Variants in ADGRG2 observed in about 807,000 individuals in gnomAD.
ADGRG2 encodes the protein G protein-coupled receptor 64.
ADGRG2 carries 26 observed loss-of-function variants against 74.1 expected under a neutral mutation model. The ratio of observed to expected loss-of-function variants is 0.35; its 90% CI spans 0.26 to 0.49. The LOEUF is 0.49. Among genes scored for constraint, ADGRG2 ranks in the 20% least tolerant of loss-of-function variants. ADGRG2 has a pLI of 0.99. For missense variants in ADGRG2, 619 were observed against 763.1 expected (o/e 0.81, Z 2.22); for synonymous variants, 296 against 295.2 (o/e 1.00, Z -0.03).
intron 1 of ADGRG2, among the ~76,000 whole-genome samples, chrX:19,101,379 T>C: frequency 9.0e-6 from 1 of 111,621 alleles, no homozygotes; most frequent in Non-Finnish European, 1.9e-5. Context: ...TAAGGACATA[T>C]TCCTATGTAG....
intron 9 of ADGRG2, among the ~76,000 whole-genome samples, chrX:19,030,316 A>G (rs180923596): frequency 1.8e-5 from 2 of 112,338 alleles, no homozygotes; most frequent in East Asian, 5.5e-4. Context: ...TTAACAAGGA[A>G]GGGAGCCCAG....
chrX:19,006,358 TG>T, intron 20 of ADGRG2, 93 bp from the exon 21 acceptor site: 1 of 633,394 alleles, frequency 1.6e-6, no homozygotes, highest in Non-Finnish European at 2.5e-6. Flanking sequence ...AAAAAAACTG[TG>T]GTTTTTTTTA....
chrX:19,111,981 A>G (rs2062420310), intron 1 of ADGRG2, among the ~76,000 whole-genome samples: 1 of 111,029 alleles, frequency 9.0e-6, no homozygotes. Context: ...TGGAGGGAAT[A>G]CTAGAGTCGA....
At chrX:19,113,782 G>C (rs536534645) in intron 1 of ADGRG2, among the ~76,000 whole-genome samples, 2 of 111,804 alleles carry the variant, frequency 1.8e-5, no homozygotes, top group South Asian at 7.4e-4. Flanking sequence ...CAAATAAAAC[G>C]TTAAGGCCGG....
intron 11 of ADGRG2, among the ~76,000 whole-genome samples, chrX:19,025,312 T>C (rs1479944272): frequency 9.0e-6 from 1 of 110,952 alleles, no homozygotes; most frequent in Non-Finnish European, 1.9e-5. Flanking sequence ...CAATGCTGGG[T>C]CTCAGCCCCT....
chrX:19,057,167 TA>T (rs928682852), intron 3 of ADGRG2, among the ~76,000 whole-genome samples: 7 of 111,931 alleles, frequency 6.3e-5, no homozygotes, highest in African/African-American at 1.9e-4. Flanking sequence ...GAGGGCATTT[TA>T]AAAAATCATG....
intron 1 of ADGRG2, among the ~76,000 whole-genome samples, chrX:19,096,564 T>A (rs756099311): frequency 4.2e-4 from 47 of 112,018 alleles, no homozygotes; most frequent in Non-Finnish European, 7.1e-4. Context: ...AAAACTCCCT[T>A]GCCATAAATA....
At chrX:19,084,759 C>T (rs995274282) in intron 1 of ADGRG2, among the ~76,000 whole-genome samples, 4 of 112,084 alleles carry the variant, frequency 3.6e-5, no homozygotes, top group African/African-American at 9.7e-5. Flanking sequence ...ATAAAGCACA[C>T]TTAATGGTTC....
In ADGRG2 at chrX:19,037,473, G is replaced by A; in HGVS notation, c.220C>T (p.Leu74Phe). Reference protein sequence around the residue: ...NGTPEVETTSLNDVTLSLLPS... With the variant: ...NGTPEVETTSFNDVTLSLLPS... ...GCTTCAGAAAAATTCTTACCATTGA[G>A]GCTTGTTGTTTCAACCTCTTTTTGT... is the stretch of plus-strand genomic sequence containing the variant. Residue 74 changes from leucine (L) to phenylalanine (F), a missense_variant, in exon 6 of 29, where the codon CTC becomes TTC. Leu to Phe is a conservative substitution (Grantham distance 22). Around this residue, in one of 3 missense-constraint regions of ADGRG2, gnomAD observed 292 missense variants for 318.0 expected, o/e 0.92. Coordinates refer to ENST00000379869, the MANE Select transcript of ADGRG2 (RefSeq NM_001079858.3). The A allele has an allele frequency of 1.7e-6, 2 of 1,176,996 alleles. No homozygotes were observed. The highest frequency in any genetic ancestry group is 2.3e-6 in the Non-Finnish European group (2 of 869,012).
intron 3 of ADGRG2, among the ~76,000 whole-genome samples, chrX:19,063,277 G>A (rs961337990): frequency 7.2e-5 from 8 of 111,614 alleles, no homozygotes; most frequent in African/African-American, 1.6e-4. Context: ...CAGAGCCCCG[G>A]GTCGGGGGAG....
intron 1 of ADGRG2, among the ~76,000 whole-genome samples, chrX:19,115,126 C>A (rs781218304): frequency 9.0e-6 from 1 of 111,675 alleles, no homozygotes; most frequent in Non-Finnish European, 1.9e-5. Flanking sequence ...AAATACTCCA[C>A]GCTTAACCTA....
intron 1 of ADGRG2, among the ~76,000 whole-genome samples, chrX:19,103,179 G>A (rs957293600): frequency 9.0e-6 from 1 of 111,259 alleles, no homozygotes; most frequent in Non-Finnish European, 1.9e-5. Flanking sequence ...CCAAGATGAC[G>A]ACAAAAATGA....
At chrX:19,121,047 GA>G (rs778952930) in intron 1 of ADGRG2, among the ~76,000 whole-genome samples, 97 of 111,552 alleles carry the variant, frequency 8.7e-4, no homozygotes, top group Admixed American at 4.3e-3. Flanking sequence ...AGATCTAAGA[GA>G]AATTAACTGA....
At chrX:19,026,536 C>T (rs2060705400) in intron 11 of ADGRG2, among the ~76,000 whole-genome samples, 1 of 107,878 alleles carries the variant, frequency 9.3e-6, no homozygotes, top group African/African-American at 3.4e-5. Context: ...GCTCTTGTCA[C>T]CCAGGCTGGA....
intron 6 of ADGRG2, 129 bp downstream of exon 6, chrX:19,037,338 T>C (rs2060962262): frequency 2.0e-6 from 1 of 501,998 alleles, no homozygotes; most frequent in African/African-American, 2.5e-5. Flanking sequence ...GCAAGTTTTG[T>C]TTTGGGTTAT....
intron 3 of ADGRG2, among the ~76,000 whole-genome samples, chrX:19,046,575 A>G (rs1400037930): frequency 8.9e-6 from 1 of 112,678 alleles, no homozygotes; most frequent in Non-Finnish European, 1.9e-5. Flanking sequence ...CGTCAGTCAG[A>G]GATCAGTTGG....
rs1214793802 is a variant in ADGRG2 at position 18,989,927 on chromosome X, G to A, written c.*937C>T. 8.9e-6 allele frequency: 1 copy of A among 112,297 alleles called. No homozygotes were observed. The allele number at this position is 112,297 out of a possible 1,213,427, so 9.3% of individuals were successfully genotyped here. A position where few individuals can be genotyped will look rare whatever the true frequency, so the allele number is the denominator to read the frequency against. Reference sequence around the variant, plus strand: ...CCTCATCTACGTTCACAATTTTCCTGACACATGGTCTGGATGACAGTTCAT... The same window carrying A: ...CCTCATCTACGTTCACAATTTTCCTAACACATGGTCTGGATGACAGTTCAT... On this transcript the variant is annotated 3_prime_UTR_variant, in exon 29 of 29. Transcript: ENST00000379869.
intron 1 of ADGRG2, among the ~76,000 whole-genome samples, chrX:19,111,421 T>C (rs933291122): frequency 4.5e-5 from 5 of 110,213 alleles, no homozygotes; most frequent in African/African-American, 1.7e-4. Context: ...CCTTCATAGG[T>C]AGAAGAGAGG....
chrX:19,016,947 G>A (rs1014764219), intron 15 of ADGRG2, among the ~76,000 whole-genome samples: 3 of 110,087 alleles, frequency 2.7e-5, no homozygotes, highest in Non-Finnish European at 5.7e-5. Flanking sequence ...CTGGCTGGTC[G>A]CGAACTCCTG....
Sources: allele counts gnomAD v4.1 joint callset (sites outside exome capture counted in the v4.1 genomes callset), GRCh38; gene constraint gnomAD v4.1.1; regional missense constraint gnomAD v4.1.1; transcripts MANE v1.5; gene names NCBI Gene and HGNC (gene_info 2026-07-23, HGNC 2026-07-21).